The following KLHL1 variants were observed in gnomAD, a reference collection of about 807,000 sequenced individuals.
KLHL1 encodes the protein kelch like family member 1, also known as kelch-like protein 1.
In KLHL1, 47 loss-of-function variants were observed where a neutral mutation model predicts 77.7. The ratio of observed to expected loss-of-function variants is 0.60; its 90% CI spans 0.48 to 0.77. The LOEUF (loss-of-function observed/expected upper bound fraction) is 0.77, where lower values mean the gene tolerates loss of function less well. KLHL1 is among the 30% of genes least tolerant of loss of function. The pLI, the probability that KLHL1 is intolerant of heterozygous loss-of-function variation, is 0.00. For missense variants in KLHL1, 925 were observed against 910.8 expected, an observed-to-expected ratio of 1.02 and a Z score of -0.20; for synonymous variants, 360 against 325.2, an observed-to-expected ratio of 1.11 and a Z score of -1.15.
intron 6 of KLHL1, among the ~76,000 whole-genome samples, chr13:69,806,299 T>A (rs1292325406): frequency 6.6e-6 from 1 of 152,174 alleles, no homozygotes; most frequent in African/African-American, 2.4e-5. Flanking sequence ...TCCACATATA[T>A]TAACCAAGAC....
intron 4 of KLHL1, among the ~76,000 whole-genome samples, chr13:69,938,372 C>T (rs1441701654): frequency 6.6e-6 from 1 of 151,958 alleles, no homozygotes; most frequent in Non-Finnish European, 1.5e-5. Context: ...TGTTGAGTAC[C>T]TTAGAAATCT....
At chr13:69,856,238 GTA>G (rs1159404345) in intron 5 of KLHL1, among the ~76,000 whole-genome samples, 8 of 151,924 alleles carry the variant, frequency 5.3e-5, no homozygotes, top group African/African-American at 1.7e-4. Context: ...CAAAGGGCAG[GTA>G]TAGTCACTGC....
chr13:69,876,672 A>G (rs1419191926), intron 5 of KLHL1, among the ~76,000 whole-genome samples: 2 of 152,202 alleles, frequency 1.3e-5, no homozygotes. Context: ...ACATTGCTAT[A>G]TATTTCCCTT....
At chr13:69,999,416 T>C (rs1885233037) in intron 1 of KLHL1, among the ~76,000 whole-genome samples, 1 of 152,094 alleles carries the variant, frequency 6.6e-6, no homozygotes, top group Non-Finnish European at 1.5e-5. Flanking sequence ...CAGCATTCCT[T>C]CTCATTATTA....
intron 6 of KLHL1, among the ~76,000 whole-genome samples, chr13:69,826,335 G>A (rs530549028): frequency 2.6e-5 from 4 of 152,144 alleles, no homozygotes; most frequent in Non-Finnish European, 5.9e-5. Flanking sequence ...CTGTAATCCC[G>A]GCACTTTGGG....
chr13:69,838,343 G>A (rs1344804916), intron 6 of KLHL1, among the ~76,000 whole-genome samples: 1 of 151,526 alleles, frequency 6.6e-6, no homozygotes, highest in African/African-American at 2.4e-5. Flanking sequence ...TATTTTTCTT[G>A]TGTACTTATT....
At chr13:69,976,552 A>C (rs1463508537) in intron 1 of KLHL1, among the ~76,000 whole-genome samples, 1 of 152,104 alleles carries the variant, frequency 6.6e-6, no homozygotes, top group Non-Finnish European at 1.5e-5. Flanking sequence ...TTCAAGTTTC[A>C]TGATAGACAC....
At chr13:69,922,215 C>T (rs894631077) in intron 4 of KLHL1, among the ~76,000 whole-genome samples, 4 of 151,838 alleles carry the variant, frequency 2.6e-5, no homozygotes, top group South Asian at 4.2e-4. Flanking sequence ...CCAATGTGCT[C>T]GGATTACTTG....
chr13:70,025,928 C>T (rs148295415), intron 1 of KLHL1, among the ~76,000 whole-genome samples: 2 of 151,966 alleles, frequency 1.3e-5, no homozygotes, highest in Non-Finnish European at 2.9e-5. Flanking sequence ...AGCAGCAATC[C>T]CCAAAGCATT....
At chr13:69,792,023 C>G (rs75812539) in intron 7 of KLHL1, among the ~76,000 whole-genome samples, 17,626 of 152,088 alleles carry the variant, frequency 0.12, 1,219 homozygotes, top group African/African-American at 0.19. Flanking sequence ...GGCTTAATAC[C>G]TAGGCGATGG....
chr13:69,899,087 C>T (rs1036688916), intron 4 of KLHL1, among the ~76,000 whole-genome samples: 1 of 151,106 alleles, frequency 6.6e-6, no homozygotes, highest in African/African-American at 2.4e-5. Flanking sequence ...AAACACAAGC[C>T]AAACTCAGGA....
At chr13:69,909,088 T>G (rs1010757939) in intron 4 of KLHL1, among the ~76,000 whole-genome samples, 1 of 149,558 alleles carries the variant, frequency 6.7e-6, no homozygotes, top group African/African-American at 2.4e-5. Flanking sequence ...TTATGTAAAA[T>G]AAATATATAT....
intron 4 of KLHL1, among the ~76,000 whole-genome samples, chr13:69,932,115 C>T (rs1883021457): frequency 6.6e-6 from 1 of 151,514 alleles, no homozygotes; most frequent in Admixed American, 6.6e-5. Context: ...TATTGTGTGC[C>T]TAAAATGAGA....
At chr13:69,789,760 C>G (rs145635233) in intron 7 of KLHL1, among the ~76,000 whole-genome samples, 13 of 152,194 alleles carry the variant, frequency 8.5e-5, no homozygotes, top group African/African-American at 3.1e-4. Context: ...ACCTTGAAAA[C>G]GTAAGGCCAA....
chr13:70,068,107 C>G (rs548716364), intron 1 of KLHL1, among the ~76,000 whole-genome samples: 1 of 150,676 alleles, frequency 6.6e-6, no homozygotes, highest in Non-Finnish European at 1.5e-5. Flanking sequence ...TTTGGGAGGC[C>G]GAGGCGGGCG....
At chr13:69,753,622 C>G (rs926537573) in intron 7 of KLHL1, among the ~76,000 whole-genome samples, 1 of 151,986 alleles carries the variant, frequency 6.6e-6, no homozygotes, top group Non-Finnish European at 1.5e-5. Context: ...TTAATTTTTT[C>G]CACAACAGAA....
chr13:69,993,398 G>C (rs1381886956), intron 1 of KLHL1, among the ~76,000 whole-genome samples: 1 of 152,012 alleles, frequency 6.6e-6, no homozygotes, highest in East Asian at 1.9e-4. Flanking sequence ...GCATTCCATG[G>C]GATTGGATGG....
chr13:70,065,434 T>C (rs142305899), intron 1 of KLHL1, among the ~76,000 whole-genome samples: 5 of 152,154 alleles, frequency 3.3e-5, no homozygotes, highest in Admixed American at 2.6e-4. Flanking sequence ...GAAAGCACAA[T>C]AGAGTGGGGA....
chr13:69,714,605 AT>A (rs902923532), intron 9 of KLHL1, among the ~76,000 whole-genome samples: 1 of 151,576 alleles, frequency 6.6e-6, no homozygotes. Flanking sequence ...TTATTTATAT[AT>A]TTTTTGAGAC....
Sources: allele counts gnomAD v4.1 joint callset (sites outside exome capture counted in the v4.1 genomes callset), GRCh38; gene constraint gnomAD v4.1.1; transcripts MANE v1.5; gene names NCBI Gene and HGNC (gene_info 2026-07-23, HGNC 2026-07-21).